ADAMTSL1: variants seen among roughly 807,000 people sequenced by gnomAD.
The protein encoded by ADAMTSL1 is ADAMTS-like protein 1.
In ADAMTSL1, 126 loss-of-function variants were observed where a neutral mutation model predicts 201.8. That is an observed-to-expected ratio of 0.62 (90% CI 0.54 to 0.72). The LOEUF is 0.72. ADAMTSL1 is among the 30% of genes least tolerant of loss of function. The pLI is 0.00. For missense variants in ADAMTSL1, 2,679 were observed against 2,277.8 expected (o/e 1.18, Z -3.59); for synonymous variants, 1,121 against 903.4 (o/e 1.24, Z -4.32).
chr9:18,037,484 A>AT (rs948161890), intron 1 of ADAMTSL1, among the ~76,000 whole-genome samples: 1 of 152,072 alleles, frequency 6.6e-6, no homozygotes. Flanking sequence ...ACTTGCTTAT[A>AT]TTTTTTCCCC....
intron 4 of ADAMTSL1, among the ~76,000 whole-genome samples, chr9:18,582,724 C>T (rs925231417): frequency 6.6e-6 from 1 of 151,770 alleles, no homozygotes; most frequent in Admixed American, 6.6e-5. Flanking sequence ...TAGAGGGCAC[C>T]TGTAGTCCCA....
chr9:18,516,862 C>T (rs1259882770), intron 2 of ADAMTSL1, among the ~76,000 whole-genome samples: 3 of 152,146 alleles, frequency 2.0e-5, no homozygotes, highest in African/African-American at 7.2e-5. Flanking sequence ...GGAAGAGGAG[C>T]AAAAACTGCT....
chr9:18,849,542 C>T (rs1199465724), intron 23 of ADAMTSL1, among the ~76,000 whole-genome samples: 1 of 152,096 alleles, frequency 6.6e-6, no homozygotes, highest in African/African-American at 2.4e-5. Context: ...AAAAATTAAT[C>T]CACACTGCAG....
chr9:18,564,258 G>A (rs1476665313), intron 3 of ADAMTSL1, among the ~76,000 whole-genome samples: 1 of 152,222 alleles, frequency 6.6e-6, no homozygotes, highest in Non-Finnish European at 1.5e-5. Flanking sequence ...CCTTTGGGTA[G>A]GGAAGGGAGT....
chr9:18,735,586 GT>G (rs774880427), intron 15 of ADAMTSL1, among the ~76,000 whole-genome samples: 137 of 152,140 alleles, frequency 9.0e-4, no homozygotes, highest in Non-Finnish European at 1.1e-3. Flanking sequence ...AGTTTAAAGA[GT>G]AAAAGTGTCA....
intron 2 of ADAMTSL1, among the ~76,000 whole-genome samples, chr9:18,382,499 G>A (rs898884014): frequency 2.0e-5 from 3 of 151,866 alleles, no homozygotes; most frequent in African/African-American, 4.8e-5. Context: ...TTTTAATGGC[G>A]AGAACTGCTT....
chr9:18,738,050 G>C (rs1431273078), intron 15 of ADAMTSL1, among the ~76,000 whole-genome samples: 1 of 152,152 alleles, frequency 6.6e-6, no homozygotes, highest in Non-Finnish European at 1.5e-5. Flanking sequence ...ATTAATATAT[G>C]TTAAGCATTC....
chr9:18,160,021 A>T (rs933760774), intron 1 of ADAMTSL1, among the ~76,000 whole-genome samples: 4 of 152,028 alleles, frequency 2.6e-5, no homozygotes, highest in Non-Finnish European at 5.9e-5. Context: ...CCTCTGAAAC[A>T]TCTCTAGATG....
intron 17 of ADAMTSL1, among the ~76,000 whole-genome samples, chr9:18,772,309 G>T (rs913088847): frequency 6.6e-6 from 1 of 152,188 alleles, no homozygotes. Flanking sequence ...TGTTATAATT[G>T]TCTTCCTGTG....
intron 23 of ADAMTSL1, among the ~76,000 whole-genome samples, chr9:18,869,777 C>T (rs1257535442): frequency 1.3e-5 from 2 of 152,126 alleles, no homozygotes; most frequent in African/African-American, 4.8e-5. Context: ...CTAATTCCAG[C>T]AATTTGACTA....
At chr9:18,125,882 C>T (rs541140075) in intron 1 of ADAMTSL1, among the ~76,000 whole-genome samples, 1 of 152,314 alleles carries the variant, frequency 6.6e-6, no homozygotes, top group East Asian at 1.9e-4. Flanking sequence ...TGGCAGTATG[C>T]TGAGAAAGGG....
intron 4 of ADAMTSL1, among the ~76,000 whole-genome samples, chr9:18,577,462 G>A (rs1271507971): frequency 6.6e-6 from 1 of 152,094 alleles, no homozygotes; most frequent in Non-Finnish European, 1.5e-5. Context: ...CTCCAGCCTG[G>A]GTGACAGAGC....
chr9:18,135,826 C>A (rs1232925323), intron 1 of ADAMTSL1, among the ~76,000 whole-genome samples: 1 of 152,070 alleles, frequency 6.6e-6, no homozygotes, highest in Non-Finnish European at 1.5e-5. Context: ...TGAGGAGAAG[C>A]CAATTTCTCC....
intron 23 of ADAMTSL1, among the ~76,000 whole-genome samples, chr9:18,862,783 C>G (rs985517213): frequency 2.8e-4 from 43 of 152,276 alleles, no homozygotes; most frequent in Admixed American, 1.7e-3. Context: ...TAGGGTCATC[C>G]TGGTCTTCCC....
At chr9:18,504,352 T>C (rs1177599639) in intron 1 of ADAMTSL1, among the ~76,000 whole-genome samples, 1 of 152,154 alleles carries the variant, frequency 6.6e-6, no homozygotes, top group Non-Finnish European at 1.5e-5. Flanking sequence ...ATCTGAAAAC[T>C]AGGAATGCAG....
intron 28 of ADAMTSL1, 55 bp downstream of exon 28, chr9:18,906,967 A>C: frequency 1.3e-6 from 2 of 1,597,800 alleles, no homozygotes; most frequent in Non-Finnish European, 1.7e-6. Context: ...CATCGAGTGC[A>C]GAGAGCAGTC....
intron 3 of ADAMTSL1, among the ~76,000 whole-genome samples, chr9:18,539,955 T>C (rs1820025621): frequency 6.6e-6 from 1 of 152,132 alleles, no homozygotes; most frequent in Admixed American, 6.6e-5. Context: ...AATGGTGCTG[T>C]AAACAGAAAT....
rs534316879 is a variant in ADAMTSL1 at position 18,670,244 on chromosome 9, C to T, written c.1086-5613C>T. On this transcript the variant is annotated intron_variant, in intron 9 of 28. Transcript: ENST00000380548. ...ATGAATCAACTAGAGTCTGGGCCCC[C>T]ACACTGTCCAGGGCAGGTTGAGTTG... Among the ~76,000 whole-genome samples the T allele has an allele frequency of 1.4e-4, 22 of 152,310 alleles. No homozygotes were observed. The East Asian group carries it at 1.5e-3, about 11-fold the overall frequency.
chr9:18,202,692 C>G (rs1355743263), intron 2 of ADAMTSL1, among the ~76,000 whole-genome samples: 1 of 152,158 alleles, frequency 6.6e-6, no homozygotes, highest in Admixed American at 6.6e-5. Context: ...TGTAACACTT[C>G]CGTCCCCTTA....
Sources: allele counts gnomAD v4.1 joint callset (sites outside exome capture counted in the v4.1 genomes callset), GRCh38; gene constraint gnomAD v4.1.1; transcripts MANE v1.5; gene names NCBI Gene and HGNC (gene_info 2026-07-23, HGNC 2026-07-21).